The following ITM2C variants were observed in gnomAD, a reference collection of about 807,000 sequenced individuals.
ITM2C encodes the protein BRICHOS domain containing 2C.
A neutral mutation model predicts 30.0 loss-of-function variants in ITM2C; 20 were observed. That is an observed-to-expected ratio of 0.67 (90% CI 0.47 to 0.97). The LOEUF (loss-of-function observed/expected upper bound fraction) is 0.97, where lower values mean the gene tolerates loss of function less well. Among genes scored for constraint, ITM2C ranks in the 50% least tolerant of loss-of-function variants. ITM2C has a pLI of 0.00. For missense variants in ITM2C, 366 were observed against 371.9 expected (o/e 0.98, Z 0.13); for synonymous variants, 167 against 156.4 (o/e 1.07, Z -0.51).
chr2:230,865,380 T>C lies in ITM2C; in HGVS notation c.120+235T>C. 1 of 411,578 alleles carries C rather than the reference T, an allele frequency of 2.4e-6. No homozygotes were observed. Among genetic ancestry groups the C allele is most frequent in the Non-Finnish European group, 4.1e-6 (1 of 242,960 alleles). 25.5% of individuals were successfully genotyped at this position (411,578 alleles called of 1,614,324 possible). A position where few individuals can be genotyped will look rare whatever the true frequency, so the allele number is the denominator to read the frequency against. On this transcript the variant is annotated intron_variant, in intron 1 of 5. Coordinates refer to ENST00000326427, the MANE Select transcript of ITM2C (RefSeq NM_030926.6). The surrounding 1 kb of genome is among the most constrained non-coding windows in gnomAD (Gnocchi z 6.8). Reference sequence around the variant, plus strand: ...AAGAGTGGGAGGCGTCTGGTTCTGGTCTTCAGGTGGAGAAGTGCTCGAGGT... The same window carrying C: ...AAGAGTGGGAGGCGTCTGGTTCTGGCCTTCAGGTGGAGAAGTGCTCGAGGT...
In ITM2C at chr2:230,865,017, G is replaced by C; in HGVS notation, c.-9G>C. The stretch of plus-strand genomic sequence containing the variant: ...AGGCTGCGGGGCGGACGCGCGGGCC[G>C]GCGCAGCCATGGTGAAGATTAGCTT... On this transcript the variant is annotated 5_prime_UTR_variant, in exon 1 of 6. Transcript: ENST00000326427. This position sits in a 1 kb window ranked among gnomAD's most constrained non-coding sequence, Gnocchi z 6.8. 1 of 1,482,716 alleles carries C rather than the reference G, an allele frequency of 6.7e-7. No homozygotes were observed. Among genetic ancestry groups the C allele is most frequent in the South Asian group, 1.3e-5 (1 of 76,650 alleles). 91.8% of individuals were successfully genotyped at this position (1,482,716 alleles called of 1,614,324 possible).
intron 1 of ITM2C, among the ~76,000 whole-genome samples, chr2:230,869,930 A>G (rs975700755): frequency 4.6e-5 from 7 of 152,186 alleles, no homozygotes; most frequent in Non-Finnish European, 7.4e-5. Context: ...TTTTTCTACT[A>G]TCTAAATGGG....
chr2:230,869,133 C>T (rs1052087232), intron 1 of ITM2C, among the ~76,000 whole-genome samples: 1 of 152,246 alleles, frequency 6.6e-6, no homozygotes, highest in African/African-American at 2.4e-5. Context: ...CACCGCCCCA[C>T]TCTCTCCAAG....
Position 230,865,436 on chromosome 2 carries a change from C to G in ITM2C, c.120+291C>G. 2 of 318,928 alleles carry G rather than the reference C, an allele frequency of 6.3e-6. No individual in the cohort carries two copies. The highest frequency in any genetic ancestry group is 5.7e-6 in the Non-Finnish European group (1 of 175,414). 19.8% of individuals were successfully genotyped at this position (318,928 alleles called of 1,614,324 possible). ...CCAAAAGTGGGGGCCCCCTCGCCGCCTTATAGGGGGAGGGGGCTGGTCCGA... is the reference window on the plus strand; with the variant it reads ...CCAAAAGTGGGGGCCCCCTCGCCGCGTTATAGGGGGAGGGGGCTGGTCCGA... On this transcript the variant is annotated intron_variant, in intron 1 of 5. Coordinates refer to ENST00000326427, the MANE Select transcript of ITM2C (RefSeq NM_030926.6). This position sits in a 1 kb window ranked among gnomAD's most constrained non-coding sequence, Gnocchi z 6.8.
At chr2:230,875,935 C>T in intron 3 of ITM2C, 127 bp downstream of exon 3, 1 of 717,462 alleles carries the variant, frequency 1.4e-6, no homozygotes, top group Non-Finnish European at 2.3e-6. Flanking sequence ...TTACCAGGGT[C>T]TTCAAGACAC....
chr2:230,869,846 C>T (rs1053483792), intron 1 of ITM2C, among the ~76,000 whole-genome samples: 3 of 151,822 alleles, frequency 2.0e-5, no homozygotes, highest in African/African-American at 7.3e-5. Context: ...CCAGGCCTCT[C>T]TCGGGTCCCT....
Position 230,873,417 on chromosome 2 carries a change from G to C in ITM2C, c.121G>C (p.Glu41Gln). Reference protein sequence around the residue: ...ATEILLTPAREEQPPQHRSKR... With the variant: ...ATEILLTPARQEQPPQHRSKR... ...ACTGACCCAGCATTGCTATCCACAG[G>C]AGGAGCAGCCCCCACAACATCGATC... Residue 41 changes from glutamate (E) to glutamine (Q), a missense_variant and splice_region_variant, in exon 2 of 6, where the codon GAG becomes CAG. Coordinates refer to ENST00000326427, the MANE Select transcript of ITM2C (RefSeq NM_030926.6). 6.4e-7 allele frequency: 1 copy of C among 1,572,428 alleles called. No homozygotes were observed. The highest frequency in any genetic ancestry group is 8.6e-7 in the Non-Finnish European group (1 of 1,159,528).
At position 230,878,143 on chromosome 2, in the gene ITM2C, C is replaced by A; in HGVS notation, c.*44C>A. On this transcript the variant is annotated 3_prime_UTR_variant, in exon 6 of 6. Transcript: ENST00000326427. This position sits in a 1 kb window ranked among gnomAD's most constrained non-coding sequence, Gnocchi z 4.5. ...CCCCCTGCCGTGTTCCTCTTTTCTT[C>A]TTTCCGGCTGCTCTCTGGCCCTCCT... 3 of 1,424,232 alleles carry A rather than the reference C, an allele frequency of 2.1e-6. No homozygotes were observed. Among genetic ancestry groups the A allele is most frequent in the African/African-American group, 1.4e-5 (1 of 69,770 alleles). 88.2% of individuals were successfully genotyped at this position (1,424,232 alleles called of 1,614,324 possible).
chr2:230,878,120 C>G lies in ITM2C; in HGVS notation c.*21C>G, dbSNP rs542980547. 1 of 1,527,390 alleles carries G rather than the reference C, an allele frequency of 6.5e-7. No homozygotes were observed. Among genetic ancestry groups the G allele is most frequent in the African/African-American group, 1.4e-5 (1 of 72,008 alleles). 94.6% of individuals were successfully genotyped at this position (1,527,390 alleles called of 1,614,324 possible). On this transcript the variant is annotated 3_prime_UTR_variant, in exon 6 of 6. Transcript: ENST00000326427. The surrounding 1 kb of genome is among the most constrained non-coding windows in gnomAD (Gnocchi z 4.5). ...TGTGAGGCCCTCCTCCCCCAGAACC[C>G]CCTGCCGTGTTCCTCTTTTCTTCTT...
intron 1 of ITM2C, among the ~76,000 whole-genome samples, chr2:230,868,515 G>GCA (rs1697088078): frequency 6.6e-6 from 1 of 151,954 alleles, no homozygotes; most frequent in African/African-American, 2.4e-5. Flanking sequence ...ACAGATGTGG[G>GCA]CATGTAGAGG....
intron 1 of ITM2C, among the ~76,000 whole-genome samples, chr2:230,871,126 A>G (rs1203698855): frequency 2.6e-5 from 4 of 152,224 alleles, no homozygotes; most frequent in Non-Finnish European, 1.5e-5. Context: ...GAGTCTGTCC[A>G]CATTTTGCAT....
At chr2:230,867,799 A>C (rs2918012) in intron 1 of ITM2C, among the ~76,000 whole-genome samples, 58,744 of 151,186 alleles carry the variant, frequency 0.39, 13,110 homozygotes, top group East Asian at 0.84. Flanking sequence ...GCTGGGAATA[A>C]AGGCACCTGC....
rs1689958152 is a variant in ITM2C at position 230,877,877 on chromosome 2, A to T, written c.713-131A>T. The T allele has an allele frequency of 1.4e-6, 1 of 731,222 alleles. No individual in the cohort carries two copies. The highest frequency in any genetic ancestry group is 2.7e-5 in the East Asian group (1 of 36,816). 45.3% of individuals were successfully genotyped at this position (731,222 alleles called of 1,614,324 possible). A position where few individuals can be genotyped will look rare whatever the true frequency, so the allele number is the denominator to read the frequency against. The stretch of plus-strand genomic sequence containing the variant: ...AGCTTTCGAGCTCTCCCCATTTCTC[A>T]CTGTGCTCTTTGGGTGAATCTGGGT... On this transcript the variant is annotated intron_variant, in intron 5 of 5. Coordinates refer to ENST00000326427, the MANE Select transcript of ITM2C (RefSeq NM_030926.6). This position sits in a 1 kb window ranked among gnomAD's most constrained non-coding sequence, Gnocchi z 4.8.
At chr2:230,866,301 G>A (rs1297568766) in intron 1 of ITM2C, among the ~76,000 whole-genome samples, 1 of 152,228 alleles carries the variant, frequency 6.6e-6, no homozygotes, top group Non-Finnish European at 1.5e-5. Flanking sequence ...GCAGGCTTCT[G>A]AAGAGTCTTC....
Position 230,877,651 on chromosome 2 carries a change from C to A in ITM2C, c.712+101C>A. 2.3e-6 allele frequency: 3 copies of A among 1,287,576 alleles called. No individual in the cohort carries two copies. The highest frequency in any genetic ancestry group is 3.3e-6 in the Non-Finnish European group (3 of 909,026). 79.8% of individuals were successfully genotyped at this position (1,287,576 alleles called of 1,614,324 possible). A position where few individuals can be genotyped will look rare whatever the true frequency, so the allele number is the denominator to read the frequency against. On this transcript the variant is annotated intron_variant, in intron 5 of 5. Transcript: ENST00000326427. This position sits in a 1 kb window ranked among gnomAD's most constrained non-coding sequence, Gnocchi z 4.8. ...TGTCAGAGAGCTCAGATAGCAGCAG[C>A]AATAACAGCTAGCATTAGCAGAGCA...
intron 2 of ITM2C, among the ~76,000 whole-genome samples, chr2:230,873,860 AC>A (rs1307607363): frequency 6.6e-6 from 1 of 152,180 alleles, no homozygotes; most frequent in Admixed American, 6.5e-5. Flanking sequence ...TCTGGCAGAA[AC>A]TGGAACTGTG....
chr2:230,877,311 G>A lies in ITM2C; in HGVS notation c.562-89G>A. ...CAGAAGGGCCAGCCCAGGGGCCTCT[G>A]GAGGAGGGAGGTGGGCTGGCATTTC... On this transcript the variant is annotated intron_variant, in intron 4 of 5. Transcript: ENST00000326427. The surrounding 1 kb of genome is among the most constrained non-coding windows in gnomAD (Gnocchi z 4.8). 2 of 1,383,016 alleles carry A rather than the reference G, an allele frequency of 1.4e-6. No individual in the cohort carries two copies. The highest frequency in any genetic ancestry group is 2.6e-5 in the South Asian group (2 of 78,394). The allele number at this position is 1,383,016 out of a possible 1,614,324, so 85.7% of individuals were successfully genotyped here. A position where few individuals can be genotyped will look rare whatever the true frequency, so the allele number is the denominator to read the frequency against.
chr2:230,864,967 G>A lies in ITM2C; in HGVS notation c.-59G>A, dbSNP rs138585916. On this transcript the variant is annotated 5_prime_UTR_variant, in exon 1 of 6. Coordinates refer to ENST00000326427, the MANE Select transcript of ITM2C (RefSeq NM_030926.6). The surrounding 1 kb of genome is among the most constrained non-coding windows in gnomAD (Gnocchi z 4.3). ...GCCTGCAGAGCTCGGAGCGGCGGAG[G>A]CAGAGACCGAGGCTGCACCGGCAGA... 1.8e-3 allele frequency: 2,465 copies of A among 1,376,968 alleles called. 42 individuals are homozygous for A. In the African/African-American group the frequency reaches 0.033, roughly 18 times the overall value. 85.3% of individuals were successfully genotyped at this position (1,376,968 alleles called of 1,614,324 possible). A position where few individuals can be genotyped will look rare whatever the true frequency, so the allele number is the denominator to read the frequency against.
intron 1 of ITM2C, among the ~76,000 whole-genome samples, chr2:230,872,669 A>T (rs2125019987): frequency 6.6e-6 from 1 of 152,178 alleles, no homozygotes; most frequent in African/African-American, 2.4e-5. Context: ...TGTAGCTGTT[A>T]CACCACTTGT....
Sources: gnomAD v4.1 joint callset for allele counts (sites outside exome capture counted in the v4.1 genomes callset) on GRCh38, gnomAD v4.1.1 for gene constraint, Gnocchi (gnomAD v3.1) non-coding constraint, MANE v1.5 for transcripts, NCBI Gene and HGNC (gene_info 2026-07-23, HGNC 2026-07-21) for gene names.